The following TRDN variants were observed in gnomAD, a reference collection of about 807,000 sequenced individuals.
TRDN encodes the protein triadin in skeletal muscle.
In TRDN, 161 loss-of-function variants were observed where a neutral mutation model predicts 149.7. The observed-to-expected ratio is 1.08, with a 90% CI of 0.95 to 1.23. The LOEUF (loss-of-function observed/expected upper bound fraction) is 1.23. Among genes scored for constraint, TRDN ranks in the 50% most tolerant of loss-of-function variants. The pLI is 0.00. For missense variants in TRDN, 896 were observed against 823.5 expected (o/e 1.09, Z -1.08); for synonymous variants, 294 against 250.5 (o/e 1.17, Z -1.64).
intron 10 of TRDN, among the ~76,000 whole-genome samples, chr6:123,447,069 G>A (rs1382578679): frequency 1.2e-4 from 18 of 152,176 alleles, no homozygotes; most frequent in African/African-American, 3.6e-4. Flanking sequence ...GAGTTATGTG[G>A]CATAACTAAG....
At chr6:123,362,245 T>C (rs1030092613) in intron 20 of TRDN, among the ~76,000 whole-genome samples, 1 of 152,202 alleles carries the variant, frequency 6.6e-6, no homozygotes, top group Non-Finnish European at 1.5e-5. Flanking sequence ...ACTAATGCCC[T>C]AGTCCAGGTC....
At chr6:123,369,474 AC>A (rs1239393116) in intron 19 of TRDN, among the ~76,000 whole-genome samples, 1 of 151,744 alleles carries the variant, frequency 6.6e-6, no homozygotes, top group Non-Finnish European at 1.5e-5. Context: ...CTGAAGGAAG[AC>A]CCCCACCCTG....
chr6:123,564,454 C>T (rs1782176151), intron 2 of TRDN, among the ~76,000 whole-genome samples: 1 of 152,164 alleles, frequency 6.6e-6, no homozygotes, highest in Non-Finnish European at 1.5e-5. Flanking sequence ...TACTTTCTGA[C>T]TGACTTTGGG....
intron 21 of TRDN, among the ~76,000 whole-genome samples, chr6:123,343,108 G>A (rs2114262187): frequency 6.6e-6 from 1 of 152,072 alleles, no homozygotes; most frequent in Non-Finnish European, 1.5e-5. Context: ...GCCAATATCT[G>A]ATAGTCTTCC....
intron 24 of TRDN, among the ~76,000 whole-genome samples, chr6:123,283,594 C>T (rs964619028): frequency 7.3e-5 from 11 of 151,150 alleles, no homozygotes; most frequent in African/African-American, 1.2e-4. Context: ...CAAATAAGCT[C>T]AATTAGATAC....
At chr6:123,436,816 T>G (rs1255055919) in intron 12 of TRDN, among the ~76,000 whole-genome samples, 1 of 152,106 alleles carries the variant, frequency 6.6e-6, no homozygotes, top group African/African-American at 2.4e-5. Flanking sequence ...TACTTTAAGT[T>G]CTTAATAGCT....
chr6:123,614,652 A>T (rs1784995251), intron 1 of TRDN, among the ~76,000 whole-genome samples: 1 of 151,924 alleles, frequency 6.6e-6, no homozygotes, highest in Non-Finnish European at 1.5e-5. Flanking sequence ...AAATTAACTC[A>T]AAATGGATTA....
chr6:123,520,093 T>A (rs1039944891), intron 5 of TRDN, among the ~76,000 whole-genome samples: 1 of 152,142 alleles, frequency 6.6e-6, no homozygotes, highest in Non-Finnish European at 1.5e-5. Context: ...TTTGTGTGTA[T>A]GTTTCTTTTT....
At chr6:123,583,330 G>T (rs1313905994) in intron 1 of TRDN, among the ~76,000 whole-genome samples, 1 of 152,036 alleles carries the variant, frequency 6.6e-6, no homozygotes, top group African/African-American at 2.4e-5. Flanking sequence ...CTAAGTTCTG[G>T]TGTCTGGAAT....
intron 8 of TRDN, chr6:123,502,667 C>T (rs1263010194): frequency 5.1e-6 from 5 of 984,366 alleles, no homozygotes; most frequent in Non-Finnish European, 6.0e-6. Context: ...TCAGTTTCAT[C>T]CTCCAAATAG....
At chr6:123,324,657 T>G (rs572299860) in intron 23 of TRDN, among the ~76,000 whole-genome samples, 1 of 152,190 alleles carries the variant, frequency 6.6e-6, no homozygotes. Flanking sequence ...AGCTCTACAC[T>G]TAGAGTTGCA....
At position 123,578,215 on chromosome 6, in the gene TRDN, T is replaced by C. The variant is rs548957816; in HGVS notation, c.23-7083A>G. ...GTCATGAAATCTTTGCCCATTCCTA[T>C]GTCCAGGATGATATTGCCTAGGTTG... On this transcript the variant is annotated intron_variant, in intron 1 of 40. Transcript: ENST00000334268. Among the ~76,000 whole-genome samples the C allele has an allele frequency of 1.8e-4, 28 of 152,320 alleles. 1 individual carries two copies. The South Asian group carries it at 3.5e-3, about 19-fold the overall frequency.
intron 1 of TRDN, among the ~76,000 whole-genome samples, chr6:123,609,365 T>C (rs1290674674): frequency 6.6e-6 from 1 of 152,138 alleles, no homozygotes; most frequent in Non-Finnish European, 1.5e-5. Flanking sequence ...ACCCCATTTT[T>C]GTAAAAATAT....
At chr6:123,510,079 A>G (rs541073417) in intron 7 of TRDN, 2 of 152,272 alleles carry the variant, frequency 1.3e-5, no homozygotes, top group South Asian at 4.1e-4. Flanking sequence ...CAAATTTTAT[A>G]TATATACAAA....
At chr6:123,331,270 A>G (rs556335793) in intron 23 of TRDN, among the ~76,000 whole-genome samples, 1 of 152,208 alleles carries the variant, frequency 6.6e-6, no homozygotes, top group African/African-American at 2.4e-5. Flanking sequence ...CTTCAAGCCT[A>G]TCACAATGGA....
chr6:123,354,286 TTC>T (rs1428202710), intron 20 of TRDN, among the ~76,000 whole-genome samples: 1 of 151,882 alleles, frequency 6.6e-6, no homozygotes, highest in Non-Finnish European at 1.5e-5. Context: ...TTGAGCCTTA[TTC>T]TTTTTGTTAA....
chr6:123,371,902 G>A (rs1781341194), intron 19 of TRDN, among the ~76,000 whole-genome samples: 1 of 152,154 alleles, frequency 6.6e-6, no homozygotes, highest in South Asian at 2.1e-4. Context: ...TATTCTGGCA[G>A]CACCAGCTGT....
intron 9 of TRDN, among the ~76,000 whole-genome samples, chr6:123,495,206 G>A (rs890406566): frequency 1.3e-5 from 2 of 151,848 alleles, no homozygotes; most frequent in Non-Finnish European, 1.5e-5. Context: ...GGTGCATACC[G>A]CCATGCCCAG....
At chr6:123,363,643 G>C (rs1290252417) in intron 20 of TRDN, among the ~76,000 whole-genome samples, 1 of 152,208 alleles carries the variant, frequency 6.6e-6, no homozygotes, top group Non-Finnish European at 1.5e-5. Context: ...TGACAAGCAA[G>C]TCTACGTAAC....
Sources: allele counts gnomAD v4.1 joint callset (sites outside exome capture counted in the v4.1 genomes callset), GRCh38; gene constraint gnomAD v4.1.1; transcripts MANE v1.5; gene names NCBI Gene and HGNC (gene_info 2026-07-23, HGNC 2026-07-21).